Variants in PACRGL observed in about 807,000 individuals in gnomAD.
PACRGL encodes the protein parkin coregulated like.
A neutral mutation model predicts 34.5 loss-of-function variants in PACRGL; 38 were observed. The observed-to-expected ratio is 1.10, with a 90% CI of 0.85 to 1.44. The LOEUF is 1.44. Ranked by LOEUF, PACRGL falls within the 40% of genes most tolerant of loss-of-function variation. PACRGL has a pLI of 0.00. For synonymous variants in PACRGL, 128 were observed against 100.1 expected (o/e 1.28, Z -1.66); for missense variants, 305 against 281.4 (o/e 1.08, Z -0.60).
chr4:20,748,248 T>C (rs1752794020), intron 8 of PACRGL, among the ~76,000 whole-genome samples: 1 of 152,084 alleles, frequency 6.6e-6, no homozygotes, highest in African/African-American at 2.4e-5. Flanking sequence ...GTGTATTCTA[T>C]CTTCTTGATG....
the PACRGL span, among the ~76,000 whole-genome samples, chr4:20,763,451 A>G: frequency 6.6e-6 from 1 of 152,192 alleles, no homozygotes; most frequent in Non-Finnish European, 1.5e-5. Context: ...TGTCATCCAG[A>G]AGGAGGAAAA....
chr4:20,729,884 G>GTGGCATTA lies in PACRGL; in HGVS notation c.*2546_*2553dup. 1 of 500,518 alleles carries GTGGCATTA rather than the reference G, an allele frequency of 2.0e-6. No individual in the cohort carries two copies. Among genetic ancestry groups the GTGGCATTA allele is most frequent in the Non-Finnish European group, 3.4e-6 (1 of 293,224 alleles). The allele number at this position is 500,518 out of a possible 1,614,324, so 31.0% of individuals were successfully genotyped here. A position where few individuals can be genotyped will look rare whatever the true frequency, so the allele number is the denominator to read the frequency against. On this transcript the variant is annotated 3_prime_UTR_variant, in exon 9 of 9. Transcript: ENST00000503585. ...TGAGTTAGACCATCCCCTGAACTCA[G>GTGGCATTA]TGGCATTATGAAAAGGATGCAAATT...
chr4:20,755,620 A>C (rs1754343860), downstream of PACRGL, among the ~76,000 whole-genome samples: 1 of 152,208 alleles, frequency 6.6e-6, no homozygotes, highest in South Asian at 2.1e-4. Flanking sequence ...AATATATATT[A>C]TTGGATTGTC....
chr4:20,714,916 A>G (rs955686731), intron 7 of PACRGL, among the ~76,000 whole-genome samples: 2 of 152,136 alleles, frequency 1.3e-5, no homozygotes, highest in Non-Finnish European at 2.9e-5. Flanking sequence ...CAGCCATCCC[A>G]TTACTGGGTA....
rs1264910321 is a variant in PACRGL, at chr4:20,748,947, T to C, written c.*57-3618T>C. 3.3e-5 allele frequency among the ~76,000 whole-genome samples: 5 copies of C among 150,868 alleles called. No individual in the cohort carries two copies. In the East Asian group the frequency reaches 9.7e-4, roughly 29 times the overall value. On this transcript the variant is annotated intron_variant, in intron 8 of 8. Coordinates refer to the PACRGL transcript ENST00000507634. ...TACATATATAAGCTATGTAAATATC[T>C]AGGACATTTTATTTTACTAGGTGTT... is the stretch of plus-strand genomic sequence containing the variant.
At chr4:20,711,493 T>C (rs1737174541) in intron 5 of PACRGL, among the ~76,000 whole-genome samples, 1 of 152,170 alleles carries the variant, frequency 6.6e-6, no homozygotes, top group Non-Finnish European at 1.5e-5. Flanking sequence ...ATGACGCCCA[T>C]GTGCTTGGCA....
intron 7 of PACRGL, among the ~76,000 whole-genome samples, chr4:20,723,909 G>A (rs954713680): frequency 2.0e-5 from 3 of 152,126 alleles, no homozygotes; most frequent in Admixed American, 6.6e-5. Context: ...CACTGAGGAT[G>A]TCAATGAGGT....
chr4:20,724,901 T>A lies in PACRGL; in HGVS notation c.690+13T>A. On this transcript the variant is annotated intron_variant, in intron 8 of 8. Transcript: ENST00000503585. ...ACATGGTGGAAGTGTAAGTAGAATA[T>A]TATTCCTTAAGTCTTTTTTTTTAAC... 7.1e-7 allele frequency: 1 copy of A among 1,407,694 alleles called. No individual in the cohort carries two copies. The highest frequency in any genetic ancestry group is 9.2e-7 in the Non-Finnish European group (1 of 1,082,962). 87.2% of individuals were successfully genotyped at this position (1,407,694 alleles called of 1,614,324 possible).
At chr4:20,719,481 C>T (rs1035345755) in intron 7 of PACRGL, among the ~76,000 whole-genome samples, 1 of 152,124 alleles carries the variant, frequency 6.6e-6, no homozygotes, top group Non-Finnish European at 1.5e-5. Flanking sequence ...CTATAAATTT[C>T]CCTCTACACA....
At chr4:20,749,602 T>TC in intron 8 of PACRGL, 1 of 1,167,896 alleles carries the variant, frequency 8.6e-7, no homozygotes, top group Non-Finnish European at 1.2e-6. Context: ...ACTCACATTT[T>TC]CCCCCTAAAA....
chr4:20,764,867 C>T, the PACRGL span, among the ~76,000 whole-genome samples: 6 of 152,250 alleles, frequency 3.9e-5, no homozygotes, highest in Middle Eastern at 3.4e-3. Flanking sequence ...GGCACTCAGC[C>T]GGACCACATC....
chr4:20,704,229 A>G (rs1733536122), intron 1 of PACRGL, among the ~76,000 whole-genome samples: 1 of 152,180 alleles, frequency 6.6e-6, no homozygotes, highest in Non-Finnish European at 1.5e-5. Flanking sequence ...TGAATGGAAA[A>G]AAAGTTGACT....
At chr4:20,748,894 G>GTGTATATATATA (rs1160169512) in intron 8 of PACRGL, among the ~76,000 whole-genome samples, 12 of 145,246 alleles carry the variant, frequency 8.3e-5, no homozygotes, top group African/African-American at 1.8e-4. Flanking sequence ...GTGTGTGTGT[G>GTGTATATATATA]TATATATATA....
At chr4:20,724,720 AG>A (rs1315865667) in intron 7 of PACRGL, 87 bp from the exon 8 acceptor site, 1 of 600,650 alleles carries the variant, frequency 1.7e-6, no homozygotes, top group Non-Finnish European at 2.5e-6. Context: ...ATCTAAAACA[AG>A]GGGTGCTCCT....
chr4:20,762,954 C>A, the PACRGL span, among the ~76,000 whole-genome samples: 1 of 73,158 alleles, frequency 1.4e-5, no homozygotes, highest in Non-Finnish European at 2.4e-5. Flanking sequence ...CACAAGGCAG[C>A]AAGAAAGGAG....
intron 8 of PACRGL, among the ~76,000 whole-genome samples, chr4:20,748,062 T>A (rs1320142138): frequency 6.6e-6 from 1 of 152,158 alleles, no homozygotes; most frequent in East Asian, 1.9e-4. Flanking sequence ...CTTGCAATAC[T>A]TAGCTGCTAA....
chr4:20,697,616 A>C (rs1369383039), upstream of PACRGL, among the ~76,000 whole-genome samples: 1 of 152,216 alleles, frequency 6.6e-6, no homozygotes, highest in Non-Finnish European at 1.5e-5. Context: ...GAAGTTTGCC[A>C]TTTAGAAAGT....
At chr4:20,699,515 C>G (rs1011847051), upstream of PACRGL, among the ~76,000 whole-genome samples, 19 of 152,154 alleles carry the variant, frequency 1.2e-4, no homozygotes, top group Admixed American at 1.2e-3. Flanking sequence ...AAGTTAAAAT[C>G]CTTATCCTGA....
downstream of PACRGL, among the ~76,000 whole-genome samples, chr4:20,757,608 C>T (rs147379075): frequency 5.6e-4 from 85 of 152,284 alleles, no homozygotes; most frequent in African/African-American, 1.8e-3. Context: ...CCTTTGTTTA[C>T]ACCCCATTTG....
Sources: gnomAD v4.1 joint callset for allele counts (sites outside exome capture counted in the v4.1 genomes callset) on GRCh38, gnomAD v4.1.1 for gene constraint, MANE v1.5 for transcripts, NCBI Gene and HGNC (gene_info 2026-07-23, HGNC 2026-07-21) for gene names.